Variants in LARGE1 observed in about 807,000 individuals in gnomAD.
The protein encoded by LARGE1 is LARGE xylosyl- and glucuronyltransferase 1, also known as xylosyl- and glucuronyltransferase LARGE1.
LARGE1 carries 43 observed loss-of-function variants against 87.6 expected under a neutral mutation model. The observed-to-expected ratio is 0.49, with a 90% CI of 0.38 to 0.63. The LOEUF (loss-of-function observed/expected upper bound fraction) is 0.63, where lower values mean the gene tolerates loss of function less well. Among genes scored for constraint, LARGE1 ranks in the 30% least tolerant of loss-of-function variants. LARGE1 has a pLI of 0.00. For missense variants in LARGE1, 802 were observed against 1,000.2 expected, an observed-to-expected ratio of 0.80 and a Z score of 2.67; for synonymous variants, 434 against 394.6, an observed-to-expected ratio of 1.10 and a Z score of -1.18.
chr22:33,460,013 TAC>T (rs975405206), intron 6 of LARGE1, among the ~76,000 whole-genome samples: 1 of 152,238 alleles, frequency 6.6e-6, no homozygotes, highest in African/African-American at 2.4e-5. Context: ...ACGACCTTGC[TAC>T]ACACACAGTG....
At chr22:33,269,100 C>T (rs1602176291), downstream of LARGE1, among the ~76,000 whole-genome samples, 7 of 152,026 alleles carry the variant, frequency 4.6e-5, no homozygotes, top group South Asian at 1.0e-3. Flanking sequence ...TAAAAAAATA[C>T]ACACTAAAGT....
At chr22:33,086,611 G>A in the LARGE1 span, among the ~76,000 whole-genome samples, 17 of 148,524 alleles carry the variant, frequency 1.1e-4, no homozygotes, top group African/African-American at 1.5e-4. Context: ...AGAGTGCAGC[G>A]GCGTGATCTT....
chr22:33,403,760 C>T (rs1443600530), intron 7 of LARGE1, among the ~76,000 whole-genome samples: 5 of 152,036 alleles, frequency 3.3e-5, no homozygotes, highest in East Asian at 3.9e-4. Flanking sequence ...CCTGCCACCA[C>T]GCCTGGCTAA....
At chr22:33,515,094 C>T (rs1174965470) in intron 6 of LARGE1, among the ~76,000 whole-genome samples, 1 of 151,106 alleles carries the variant, frequency 6.6e-6, no homozygotes, top group Non-Finnish European at 1.5e-5. Context: ...AAGAATGAAC[C>T]CCTCCCATTT....
chr22:33,816,206 A>T (rs371643227), intron 1 of LARGE1, among the ~76,000 whole-genome samples: 21 of 152,316 alleles, frequency 1.4e-4, no homozygotes, highest in East Asian at 1.2e-3. Flanking sequence ...GCAGGACAGC[A>T]TCTGGATTTT....
intron 4 of LARGE1, among the ~76,000 whole-genome samples, chr22:33,611,790 C>T (rs1031514257): frequency 2.0e-5 from 3 of 152,148 alleles, no homozygotes; most frequent in South Asian, 4.1e-4. Context: ...TAATCCCCAG[C>T]GTTGAAGGTG....
chr22:33,559,787 A>C (rs183730191), intron 6 of LARGE1, among the ~76,000 whole-genome samples: 57 of 152,210 alleles, frequency 3.7e-4, no homozygotes, highest in African/African-American at 1.2e-3. Context: ...CTTAAAGATG[A>C]TGTTCTCGGA....
intron 6 of LARGE1, among the ~76,000 whole-genome samples, chr22:33,558,107 T>TC (rs1476329559): frequency 6.6e-6 from 1 of 152,112 alleles, no homozygotes; most frequent in Non-Finnish European, 1.5e-5. Context: ...AAACAGTCTC[T>TC]CAAGTTTAGG....
At chr22:33,645,904 C>G (rs2080597998) in intron 3 of LARGE1, among the ~76,000 whole-genome samples, 1 of 152,148 alleles carries the variant, frequency 6.6e-6, no homozygotes, top group African/African-American at 2.4e-5. Context: ...CCATCTCATG[C>G]CAGTTGGAAT....
At chr22:33,838,069 C>G (rs944872626) in intron 1 of LARGE1, among the ~76,000 whole-genome samples, 2 of 152,166 alleles carry the variant, frequency 1.3e-5, no homozygotes, top group African/African-American at 4.8e-5. Flanking sequence ...AATTTATGGA[C>G]AGTGAAATTT....
chr22:33,103,305 C>T, the LARGE1 span, among the ~76,000 whole-genome samples: 5 of 151,662 alleles, frequency 3.3e-5, no homozygotes, highest in Admixed American at 1.3e-4. Flanking sequence ...TGGTGGCGGG[C>T]GCCTGTAGTC....
At chr22:33,776,019 C>T (rs2085224663) in intron 1 of LARGE1, among the ~76,000 whole-genome samples, 1 of 152,158 alleles carries the variant, frequency 6.6e-6, no homozygotes. Context: ...TGGTTTAAGG[C>T]AAGCACTTCT....
At chr22:33,259,047 T>C (rs1927473222) in intron 11 of LARGE1, among the ~76,000 whole-genome samples, 1 of 151,992 alleles carries the variant, frequency 6.6e-6, no homozygotes, top group East Asian at 1.9e-4. Flanking sequence ...CTGGCTAATA[T>C]ATTTGTATTT....
At chr22:33,785,602 A>G (rs1288858398) in intron 1 of LARGE1, among the ~76,000 whole-genome samples, 1 of 152,186 alleles carries the variant, frequency 6.6e-6, no homozygotes, top group African/African-American at 2.4e-5. Flanking sequence ...GAAACAAACA[A>G]AACTGTAAAA....
intron 2 of LARGE1, among the ~76,000 whole-genome samples, chr22:33,700,770 A>G (rs1218080664): frequency 6.6e-6 from 1 of 152,194 alleles, no homozygotes; most frequent in Non-Finnish European, 1.5e-5. Flanking sequence ...GAAAAACAGA[A>G]ACAAAAGCAG....
At chr22:33,780,435 T>C (rs949102355) in intron 1 of LARGE1, among the ~76,000 whole-genome samples, 7 of 108,504 alleles carry the variant, frequency 6.5e-5, no homozygotes, top group African/African-American at 2.3e-4. Flanking sequence ...CAGCAGCCCC[T>C]GTCGAAGAGC....
the LARGE1 span, among the ~76,000 whole-genome samples, chr22:33,117,735 C>T: frequency 2.6e-5 from 4 of 152,220 alleles, no homozygotes; most frequent in East Asian, 7.7e-4. Flanking sequence ...CCAAAATCAC[C>T]TTATTTATTT....
the LARGE1 span, among the ~76,000 whole-genome samples, chr22:33,149,069 G>A: frequency 6.3e-5 from 9 of 142,296 alleles, no homozygotes; most frequent in Admixed American, 1.5e-4. Context: ...ACAGAGTCTC[G>A]CTCTGTTGCC....
At chr22:33,448,667 C>T (rs2067786790) in intron 6 of LARGE1, among the ~76,000 whole-genome samples, 1 of 152,162 alleles carries the variant, frequency 6.6e-6, no homozygotes, top group African/African-American at 2.4e-5. Context: ...CCTCAGCCTT[C>T]CCCATGTCAG....
Sources: allele counts gnomAD v4.1 joint callset (sites outside exome capture counted in the v4.1 genomes callset), GRCh38; gene constraint gnomAD v4.1.1; transcripts MANE v1.5; gene names NCBI Gene and HGNC (gene_info 2026-07-23, HGNC 2026-07-21).